MGAT5: variants seen among roughly 807,000 people sequenced by gnomAD.
The protein encoded by MGAT5 is alpha-1,6-mannosylglycoprotein 6-beta-N-acetylglucosaminyltransferase.
A neutral mutation model predicts 94.3 loss-of-function variants in MGAT5; 30 were observed. The ratio of observed to expected loss-of-function variants is 0.32; its 90% confidence interval spans 0.24 to 0.43. MGAT5 has a LOEUF of 0.43. Among genes scored for constraint, MGAT5 ranks in the 20% least tolerant of loss-of-function variants. The pLI is 1.00. For synonymous variants in MGAT5, 310 were observed against 322.9 expected (o/e 0.96, Z 0.43); for missense variants, 691 against 905.5 (o/e 0.76, Z 3.04).
intron 1 of MGAT5, among the ~76,000 whole-genome samples, chr2:134,197,938 T>C (rs1338182324): frequency 2.0e-5 from 3 of 152,116 alleles, no homozygotes; most frequent in Non-Finnish European, 4.4e-5. Context: ...CTTGGCAAAA[T>C]ATAATCACTC....
chr2:134,172,148 A>C (rs1204447149), intron 1 of MGAT5, among the ~76,000 whole-genome samples: 1 of 152,160 alleles, frequency 6.6e-6, no homozygotes, highest in Non-Finnish European at 1.5e-5. Context: ...TGGCCACTTA[A>C]TTCTTATGTA....
At chr2:134,337,303 C>T (rs879804750) in intron 5 of MGAT5, among the ~76,000 whole-genome samples, 1 of 152,162 alleles carries the variant, frequency 6.6e-6, no homozygotes, top group Non-Finnish European at 1.5e-5. Flanking sequence ...AGCAGGACCC[C>T]ATCACTACAA....
intron 2 of MGAT5, among the ~76,000 whole-genome samples, chr2:134,299,220 G>C (rs1230729826): frequency 6.6e-6 from 1 of 152,186 alleles, no homozygotes; most frequent in African/African-American, 2.4e-5. Flanking sequence ...TGTGGAAGTT[G>C]GTCTCACTGG....
At chr2:134,144,464 G>A (rs1240117691) in intron 1 of MGAT5, among the ~76,000 whole-genome samples, 2 of 151,994 alleles carry the variant, frequency 1.3e-5, no homozygotes, top group Non-Finnish European at 2.9e-5. Context: ...TGAGAACTCC[G>A]CCCCCCTGAT....
chr2:134,164,917 C>T (rs1310369211), intron 1 of MGAT5, among the ~76,000 whole-genome samples: 1 of 151,920 alleles, frequency 6.6e-6, no homozygotes, highest in African/African-American at 2.4e-5. Context: ...AGTATGGCCA[C>T]ATTTAGCCTG....
chr2:134,180,601 C>G (rs1364309171), intron 1 of MGAT5, among the ~76,000 whole-genome samples: 7 of 152,276 alleles, frequency 4.6e-5, no homozygotes, highest in African/African-American at 1.7e-4. Context: ...CCTCCAAATG[C>G]CTCACTCTTG....
chr2:134,222,172 C>T (rs1680809867), intron 1 of MGAT5, among the ~76,000 whole-genome samples: 1 of 152,206 alleles, frequency 6.6e-6, no homozygotes, highest in African/African-American at 2.4e-5. Flanking sequence ...GATCTATTTT[C>T]TGAGCTATCA....
At chr2:134,195,795 T>A (rs1210333959) in intron 1 of MGAT5, among the ~76,000 whole-genome samples, 82 of 152,218 alleles carry the variant, frequency 5.4e-4, no homozygotes, top group Admixed American at 5.4e-3. Context: ...GGCTGGGTAA[T>A]CTTATTTTCC....
intron 1 of MGAT5, among the ~76,000 whole-genome samples, chr2:134,224,235 G>GGA (rs1680938788): frequency 6.6e-6 from 1 of 152,146 alleles, no homozygotes; most frequent in Non-Finnish European, 1.5e-5. Context: ...CTATTAGCAG[G>GGA]CGTTTCATGA....
chr2:134,393,244 A>C (rs1295869723), intron 10 of MGAT5, among the ~76,000 whole-genome samples: 1 of 152,188 alleles, frequency 6.6e-6, no homozygotes, highest in Admixed American at 6.5e-5. Flanking sequence ...ACTGCCTGCT[A>C]AATTTTACAC....
chr2:134,269,403 T>C (rs1483679428), intron 1 of MGAT5, among the ~76,000 whole-genome samples: 10 of 152,192 alleles, frequency 6.6e-5, no homozygotes, highest in Non-Finnish European at 5.9e-5. Flanking sequence ...CTCAGGGCTT[T>C]TCTCAGTCCT....
In MGAT5 at chr2:134,318,640, CT is replaced by C. The variant is rs1322164925; in HGVS notation, c.484-8del. ...GAATGGGCTGCTCAGAGATGTTCTT[CT>C]TGTTTCAGTGGATGAAAGACATGTG... is the stretch of plus-strand genomic sequence containing the variant. On this transcript the variant is annotated splice_polypyrimidine_tract_variant and intron_variant, in intron 3 of 15. Coordinates refer to ENST00000281923, the MANE Select transcript of MGAT5 (RefSeq NM_002410.5). The C allele has an allele frequency of 2.5e-6, 4 of 1,609,834 alleles. No individual in the cohort carries two copies. The African/African-American group carries it at 5.3e-5, about 22-fold the overall frequency.
intron 1 of MGAT5, among the ~76,000 whole-genome samples, chr2:134,191,374 T>C (rs888537758): frequency 1.3e-5 from 2 of 152,214 alleles, no homozygotes; most frequent in Non-Finnish European, 2.9e-5. Context: ...CCCTCCTGAA[T>C]AGATGAATGA....
intron 1 of MGAT5, among the ~76,000 whole-genome samples, chr2:134,172,526 G>A (rs149120032): frequency 0.038 from 5,805 of 152,152 alleles, 374 homozygotes; most frequent in African/African-American, 0.13. Flanking sequence ...AGCTGGGACT[G>A]CAGGTGCCCA....
At chr2:134,321,696 A>G (rs139857639) in intron 4 of MGAT5, among the ~76,000 whole-genome samples, 40 of 152,304 alleles carry the variant, frequency 2.6e-4, no homozygotes, top group Middle Eastern at 3.4e-3. Flanking sequence ...TTATGCAGAT[A>G]TCGGGTGGTC....
chr2:134,123,099 C>G (rs947204208), intron 1 of MGAT5, among the ~76,000 whole-genome samples: 1 of 152,198 alleles, frequency 6.6e-6, no homozygotes, highest in Non-Finnish European at 1.5e-5. Flanking sequence ...CTCAAGAGAT[C>G]ACAGGAATTC....
At chr2:134,373,742 G>C (rs1319059075) in intron 10 of MGAT5, among the ~76,000 whole-genome samples, 1 of 152,156 alleles carries the variant, frequency 6.6e-6, no homozygotes, top group African/African-American at 2.4e-5. Flanking sequence ...GCTCCTCGTG[G>C]CATCTCAGCC....
At chr2:134,400,111 C>T (rs1382851439) in intron 10 of MGAT5, among the ~76,000 whole-genome samples, 1 of 152,092 alleles carries the variant, frequency 6.6e-6, no homozygotes, top group African/African-American at 2.4e-5. Context: ...GTGACTAATT[C>T]GACATGTGTG....
At chr2:134,180,039 A>G (rs1225417868) in intron 1 of MGAT5, among the ~76,000 whole-genome samples, 1 of 152,244 alleles carries the variant, frequency 6.6e-6, no homozygotes, top group East Asian at 1.9e-4. Context: ...TACAAATGCC[A>G]TGGCAATGCC....
Sources: allele counts gnomAD v4.1 joint callset (sites outside exome capture counted in the v4.1 genomes callset), GRCh38; gene constraint gnomAD v4.1.1; transcripts MANE v1.5; gene names NCBI Gene and HGNC (gene_info 2026-07-23, HGNC 2026-07-21).